The following CLEC18A variants were observed in gnomAD, a reference collection of about 807,000 sequenced individuals.
CLEC18A encodes mannose receptor-like 1.
In CLEC18A, 5 loss-of-function variants were observed where a neutral mutation model predicts 24.0. The observed-to-expected ratio is 0.21, with a 90% CI of 0.11 to 0.44. The LOEUF (loss-of-function observed/expected upper bound fraction) is 0.44, where lower values mean the gene tolerates loss of function less well. Ranked by LOEUF, CLEC18A falls within the 20% of genes least tolerant of loss-of-function variation. CLEC18A has a pLI of 0.99. For synonymous variants in CLEC18A, 29 were observed against 100.1 expected (o/e 0.29, Z 4.24); for missense variants, 83 against 233.4 (o/e 0.36, Z 4.20).
intron 3 of CLEC18A, 42 bp downstream of exon 3, chr16:69,954,615 T>G: frequency 1.2e-6 from 2 of 1,605,494 alleles, no homozygotes; most frequent in Admixed American, 3.4e-5. Flanking sequence ...AGCTCCCAGA[T>G]ACAGACTTCC....
At chr16:69,948,381 TTG>T (rs201626942), upstream of CLEC18A, among the ~76,000 whole-genome samples, 1,024 of 111,644 alleles carry the variant, frequency 9.2e-3, 11 homozygotes, top group Non-Finnish European at 0.012. Context: ...AATGTTTTTT[TTG>T]TTTGTTTGTT....
chr16:69,963,529 T>A (rs376143349), intron 11 of CLEC18A, 45 bp from the exon 12 acceptor site: 61,803 of 1,603,728 alleles, frequency 0.039, 1,628 homozygotes, highest in East Asian at 0.097. Context: ...ATCTTGGGAC[T>A]GCCTGGGCTG....
downstream of CLEC18A, among the ~76,000 whole-genome samples, chr16:69,965,335 C>A (rs1277858404): frequency 2.0e-5 from 3 of 152,032 alleles, no homozygotes; most frequent in Admixed American, 6.5e-5. Flanking sequence ...GGCCCGCTCT[C>A]CGGCTCGGTC....
chr16:69,944,327 A>C, the CLEC18A span, among the ~76,000 whole-genome samples: 1 of 151,772 alleles, frequency 6.6e-6, no homozygotes, highest in Non-Finnish European at 1.5e-5. Context: ...ATCACAGCAG[A>C]ACGTCAGCTC....
chr16:69,955,170 T>C (rs1233430064), intron 3 of CLEC18A, among the ~76,000 whole-genome samples: 1 of 151,578 alleles, frequency 6.6e-6, no homozygotes, highest in Non-Finnish European at 1.5e-5. Flanking sequence ...CCAGCTCATT[T>C]TTTTGTATTT....
At chr16:69,953,751 G>T (rs1184319154) in intron 2 of CLEC18A, 1 of 148,474 alleles carries the variant, frequency 6.7e-6, no homozygotes, top group Non-Finnish European at 1.4e-5. Flanking sequence ...GGAGGCGGAG[G>T]TTGCAGTAAG....
At chr16:69,944,588 C>A in the CLEC18A span, among the ~76,000 whole-genome samples, 1 of 151,728 alleles carries the variant, frequency 6.6e-6, no homozygotes, top group Admixed American at 6.6e-5. Flanking sequence ...GATTGTAATC[C>A]CAGCACTTTG....
At chr16:69,954,743 G>A (rs183972621) in intron 3 of CLEC18A, among the ~76,000 whole-genome samples, 170 bp downstream of exon 3, 520 of 152,014 alleles carry the variant, frequency 3.4e-3, no homozygotes, top group South Asian at 0.011. Context: ...TGTTGCCCAG[G>A]CTAGAGTGCA....
At chr16:69,945,127 A>C in the CLEC18A span, among the ~76,000 whole-genome samples, 1 of 126,748 alleles carries the variant, frequency 7.9e-6, no homozygotes, top group Admixed American at 7.1e-5. Context: ...CCTGTCTGGA[A>C]AAAAAAAAAA....
chr16:69,966,293 A>C (rs978968997), downstream of CLEC18A, among the ~76,000 whole-genome samples: 3 of 149,442 alleles, frequency 2.0e-5, no homozygotes, highest in African/African-American at 7.4e-5. Context: ...GAGGCCTTTG[A>C]ACCAGAGCAA....
upstream of CLEC18A, among the ~76,000 whole-genome samples, chr16:69,946,422 A>G (rs1328440996): frequency 1.7e-5 from 2 of 118,650 alleles, no homozygotes; most frequent in Non-Finnish European, 3.4e-5. Flanking sequence ...TTTTTTGAGA[A>G]TGAGTCACTC....
chr16:69,945,965 C>T (rs2937132), upstream of CLEC18A, among the ~76,000 whole-genome samples: 8 of 150,714 alleles, frequency 5.3e-5, no homozygotes, highest in East Asian at 2.0e-4. Context: ...TGGTGGCGGG[C>T]GCCTGTGATC....
rs1959251928 is a variant in CLEC18A at position 69,963,918 on chromosome 16, A to ACCCTGTGGGGCAGCGGAGCTT, written c.*316_*336dup. ...GGCTGCTCTCTTCCACCTGGCCCAG[A>ACCCTGTGGGGCAGCGGAGCTT]CCCTGTGGGGCAGCGGAGCTTCCCT... On this transcript the variant is annotated 3_prime_UTR_variant, in exon 12 of 12. Coordinates refer to ENST00000288040, the MANE Select transcript of CLEC18A (RefSeq NM_001370523.4). The ACCCTGTGGGGCAGCGGAGCTT allele has an allele frequency of 4.5e-6, 2 of 446,422 alleles. No individual in the cohort carries two copies. The highest frequency in any genetic ancestry group is 7.6e-5 in the Admixed American group (2 of 26,332). 27.7% of individuals were successfully genotyped at this position (446,422 alleles called of 1,614,324 possible).
the CLEC18A span, among the ~76,000 whole-genome samples, chr16:69,945,161 G>A: frequency 7.4e-5 from 11 of 147,974 alleles, no homozygotes; most frequent in Non-Finnish European, 1.6e-4. Context: ...ATGGTGGCAC[G>A]TGCCTATCGT....
downstream of CLEC18A, among the ~76,000 whole-genome samples, chr16:69,965,337 G>C (rs1485156200): frequency 2.0e-4 from 31 of 152,024 alleles, no homozygotes; most frequent in Non-Finnish European, 3.5e-4. Flanking sequence ...CCCGCTCTCC[G>C]GCTCGGTCTG....
Position 69,954,481 on chromosome 16 carries a change from GAA to G in CLEC18A, c.365_366del (p.Glu122GlyfsTer77), listed in dbSNP as rs2059004400. ...LLPAGLVSFV[E>X]VVSLWFAEGQ... is the part of the protein sequence containing the mutation. Reference sequence around the variant, plus strand: ...ACCCGCGGGCTTGGTGTCCTTTGTCGAAGTGGTCAGCCTATGGTTTGCAGAGG... The same window carrying G: ...ACCCGCGGGCTTGGTGTCCTTTGTCGGTGGTCAGCCTATGGTTTGCAGAGG... On this transcript the variant is annotated frameshift_variant, in exon 3 of 12. Coordinates refer to ENST00000288040, the MANE Select transcript of CLEC18A (RefSeq NM_001370523.4). LOFTEE classifies it high-confidence loss of function. 1 of 1,611,022 alleles carries G rather than the reference GAA, an allele frequency of 6.2e-7. No homozygotes were observed. The highest frequency in any genetic ancestry group is 1.3e-5 in the African/African-American group (1 of 74,896).
At chr16:69,955,851 A>G (rs958568287) in intron 3 of CLEC18A, among the ~76,000 whole-genome samples, 4 of 151,860 alleles carry the variant, frequency 2.6e-5, no homozygotes, top group Admixed American at 2.6e-4. Context: ...AGGGTCTTCT[A>G]CACACACCTG....
chr16:69,964,313 C>G (rs2152022111), downstream of CLEC18A: 1 of 150,078 alleles, frequency 6.7e-6, no homozygotes, highest in East Asian at 2.0e-4. Context: ...GTAGTCAGAG[C>G]CTGTGCAGTC....
At position 69,954,461 on chromosome 16, in the gene CLEC18A, C is replaced by T. The variant is rs373441369; in HGVS notation, c.344C>T (p.Ala115Val). ...GGCTGGAACATGCAGCTGCTACCCGCGGGCTTGGTGTCCTTTGTCGAAGTG... is the reference window on the plus strand; with the variant it reads ...GGCTGGAACATGCAGCTGCTACCCGTGGGCTTGGTGTCCTTTGTCGAAGTG... ...QVGWNMQLLPAGLVSFVEVVS... is the reference protein window; with the variant it reads ...QVGWNMQLLPVGLVSFVEVVS... The change falls in exon 3 of 12, where the codon GCG becomes GTG. Residue 115 changes from alanine to valine, a missense_variant. This residue lies in a region of CLEC18A where 71 missense variants were observed against 107.4 expected (regional missense o/e 0.66). Transcript: ENST00000288040. 7.3e-5 allele frequency: 116 copies of T among 1,598,520 alleles called. 6 individuals are homozygous for T. Among genetic ancestry groups the T allele is most frequent in the Middle Eastern group, 3.5e-4 (2 of 5,752 alleles).
Sources: allele counts gnomAD v4.1 joint callset (sites outside exome capture counted in the v4.1 genomes callset), GRCh38; gene constraint gnomAD v4.1.1; regional missense constraint gnomAD v4.1.1; transcripts MANE v1.5; gene names NCBI Gene and HGNC (gene_info 2026-07-23, HGNC 2026-07-21).